Variants in TES observed in about 807,000 individuals in gnomAD.
The protein encoded by TES is testin.
Under a neutral mutation model 48.2 loss-of-function variants are expected in TES, and 41 were observed. The ratio of observed to expected loss-of-function variants is 0.85; its 90% CI spans 0.66 to 1.10. The LOEUF (loss-of-function observed/expected upper bound fraction) is 1.10. Among genes scored for constraint, TES ranks in the 50% least tolerant of loss-of-function variants. The pLI, the probability that TES is intolerant of heterozygous loss-of-function variation, is 0.00. For synonymous variants in TES, 162 were observed against 174.9 expected (o/e 0.93, Z 0.58); for missense variants, 463 against 515.1 (o/e 0.90, Z 0.98).
chr7:116,251,908 A>G lies in TES; in HGVS notation c.851A>G (p.Asn284Ser), dbSNP rs768422763. 2 of 1,614,150 alleles carry G rather than the reference A, an allele frequency of 1.2e-6. No homozygotes were observed. The highest frequency in any genetic ancestry group is 2.2e-5 in the East Asian group (1 of 44,876). Reference sequence around the variant, plus strand: ...GTTGACATGATTTATTTTTGGAAGAATGAGAAGCTATACTGTGGCAGACAT... The same window carrying G: ...GTTGACATGATTTATTTTTGGAAGAGTGAGAAGCTATACTGTGGCAGACAT... ...LLVDMIYFWK[N>S]EKLYCGRHYC... Residue 284 changes from asparagine (N) to serine (S), a missense_variant, in exon 5 of 7, where the codon AAT becomes AGT. By Grantham distance (46) the Asn-to-Ser change is conservative. Coordinates refer to ENST00000358204, the MANE Select transcript of TES (RefSeq NM_015641.4).
At position 116,257,485 on chromosome 7, in the gene TES, G is replaced by C; in HGVS notation, c.*3G>C. ...AATGTAAGAAGAGGATGTCTTAGGA[G>C]GAGGGCACCCAGAAGTATCGAGCCA... On this transcript the variant is annotated 3_prime_UTR_variant, in exon 7 of 7. Coordinates refer to ENST00000358204, the MANE Select transcript of TES (RefSeq NM_015641.4). 2 of 1,599,994 alleles carry C rather than the reference G, an allele frequency of 1.3e-6. No individual in the cohort carries two copies. Among genetic ancestry groups the C allele is most frequent in the East Asian group, 2.3e-5 (1 of 44,370 alleles).
chr7:116,218,673 A>G (rs1047232954), intron 1 of TES, among the ~76,000 whole-genome samples: 2 of 149,194 alleles, frequency 1.3e-5, no homozygotes, highest in East Asian at 4.0e-4. Flanking sequence ...CTCTTGAGCA[A>G]AATACCGATG....
rs1800128799 is a variant in TES, at chr7:116,257,976, A to C, written c.*494A>C. On this transcript the variant is annotated 3_prime_UTR_variant, in exon 7 of 7. Coordinates refer to ENST00000358204, the MANE Select transcript of TES (RefSeq NM_015641.4). ...CAGTGAATTCTTTTTGACAAAGAGA[A>C]ATGCAGTGTAGTATGCAGAGCTGCT... 3.9e-5 allele frequency: 6 copies of C among 153,326 alleles called. No individual in the cohort carries two copies. The highest frequency in any genetic ancestry group is 3.9e-4 in the Admixed American group (6 of 15,496). 9.5% of individuals were successfully genotyped at this position (153,326 alleles called of 1,614,324 possible).
chr7:116,241,786 T>C (rs967265286), intron 2 of TES, among the ~76,000 whole-genome samples: 4 of 152,216 alleles, frequency 2.6e-5, no homozygotes, highest in African/African-American at 9.7e-5. Context: ...TTAAAGGCAT[T>C]GATAGAAAAG....
At chr7:116,252,527 G>C in intron 6 of TES, 51 bp downstream of exon 6, 1 of 1,613,618 alleles carries the variant, frequency 6.2e-7, no homozygotes, top group Non-Finnish European at 8.5e-7. Context: ...TAGGACTTGA[G>C]TTTATGCTTT....
intron 4 of TES, among the ~76,000 whole-genome samples, chr7:116,250,847 A>T (rs915879407): frequency 6.6e-6 from 1 of 152,226 alleles, no homozygotes; most frequent in African/African-American, 2.4e-5. Context: ...CTGCCCATAA[A>T]TAGGAATATA....
At chr7:116,247,435 A>G (rs1191944485) in intron 2 of TES, among the ~76,000 whole-genome samples, 3 of 152,026 alleles carry the variant, frequency 2.0e-5, no homozygotes, top group Non-Finnish European at 2.9e-5. Flanking sequence ...TTTATTCACT[A>G]TTGGGTGACA....
At chr7:116,240,257 T>A (rs1799827524) in intron 2 of TES, among the ~76,000 whole-genome samples, 2 of 152,216 alleles carry the variant, frequency 1.3e-5, no homozygotes, top group Non-Finnish European at 2.9e-5. Context: ...TGGCAGCATG[T>A]CAAAGCACTC....
At chr7:116,214,454 T>C (rs750916659) in intron 1 of TES, among the ~76,000 whole-genome samples, 3 of 152,172 alleles carry the variant, frequency 2.0e-5, no homozygotes, top group Non-Finnish European at 4.4e-5. Context: ...GCAAGAACCA[T>C]TGGCAAGACT....
chr7:116,245,288 TTTC>T (rs557079698), intron 2 of TES, among the ~76,000 whole-genome samples: 1 of 152,110 alleles, frequency 6.6e-6, no homozygotes, highest in Non-Finnish European at 1.5e-5. Context: ...TGCTTAAAAA[TTTC>T]TTCCACCAGA....
At chr7:116,217,076 T>C (rs1799502811) in intron 1 of TES, among the ~76,000 whole-genome samples, 1 of 152,132 alleles carries the variant, frequency 6.6e-6, no homozygotes, top group African/African-American at 2.4e-5. Context: ...ATTGCAAGTG[T>C]TGATAGAGCA....
intron 5 of TES, 82 bp downstream of exon 5, chr7:116,252,057 GACCAAACA>G: frequency 7.2e-7 from 1 of 1,393,284 alleles, no homozygotes; most frequent in South Asian, 1.2e-5. Context: ...AACAAGACTT[GACCAAACA>G]GCAGTTGCTC....
intron 2 of TES, among the ~76,000 whole-genome samples, chr7:116,244,874 G>C (rs565772925): frequency 6.6e-6 from 1 of 152,318 alleles, no homozygotes; most frequent in East Asian, 1.9e-4. Flanking sequence ...GACCAACACC[G>C]TATGGAAGCT....
In TES at chr7:116,210,739, G is replaced by A. The variant is rs374402125; in HGVS notation, c.27+5G>A. On this transcript the variant is annotated splice_donor_5th_base_variant and intron_variant, in intron 1 of 6. Coordinates refer to ENST00000358204, the MANE Select transcript of TES (RefSeq NM_015641.4). ...CTGGAAAACAAAGTGAAGAAGGTAGGGGGGCGCTCGTGGCGGGCGGCGGCT... is the reference window on the plus strand; with the variant it reads ...CTGGAAAACAAAGTGAAGAAGGTAGAGGGGCGCTCGTGGCGGGCGGCGGCT... 8.8e-6 allele frequency: 11 copies of A among 1,244,374 alleles called. No homozygotes were observed. Among genetic ancestry groups the A allele is most frequent in the African/African-American group, 1.6e-5 (1 of 64,008 alleles). The allele number at this position is 1,244,374 out of a possible 1,614,324, so 77.1% of individuals were successfully genotyped here. A position where few individuals can be genotyped will look rare whatever the true frequency, so the allele number is the denominator to read the frequency against.
chr7:116,238,613 ATTT>A (rs1007188032), intron 2 of TES, among the ~76,000 whole-genome samples: 6 of 147,716 alleles, frequency 4.1e-5, no homozygotes, highest in East Asian at 3.9e-4. Flanking sequence ...TATTATTATT[ATTT>A]TTGAGATGGG....
chr7:116,256,082 T>G (rs1359950741), intron 6 of TES, among the ~76,000 whole-genome samples: 1 of 142,026 alleles, frequency 7.0e-6, no homozygotes, highest in Admixed American at 7.1e-5. Context: ...ATCAAAGAAT[T>G]TTCATTGTAT....
intron 1 of TES, among the ~76,000 whole-genome samples, chr7:116,228,293 TA>T (rs1253227472): frequency 1.3e-5 from 2 of 152,206 alleles, no homozygotes; most frequent in African/African-American, 4.8e-5. Context: ...TAGTCACTTT[TA>T]TTTTTTTCTT....
At chr7:116,229,033 T>TATATATATATATATATATGTATAA (rs1417517023) in intron 1 of TES, among the ~76,000 whole-genome samples, 1 of 115,496 alleles carries the variant, frequency 8.7e-6, no homozygotes, top group African/African-American at 3.4e-5. Flanking sequence ...TATATATATA[T>TATATATATATATATATATGTATAA]AATCATTTCC....
chr7:116,251,837 G>T lies in TES; in HGVS notation c.780G>T (p.Leu260=). 2.5e-6 allele frequency: 4 copies of T among 1,614,188 alleles called. No individual in the cohort carries two copies. The highest frequency in any genetic ancestry group is 1.1e-5 in the South Asian group (1 of 91,080). The change falls in exon 5 of 7, where the codon CTG becomes CTT. Residue 260 remains leucine, a synonymous_variant. Transcript: ENST00000358204. ...CCGAAAGGGCTGGCTATGATAAACT[G>T]TGGCACCCAGCTTGTTTTGTCTGCA... is the stretch of plus-strand genomic sequence containing the variant. ...IYAERAGYDK[L]WHPACFVCST...
Sources: gnomAD v4.1 joint callset for allele counts (sites outside exome capture counted in the v4.1 genomes callset) on GRCh38, gnomAD v4.1.1 for gene constraint, MANE v1.5 for transcripts, NCBI Gene and HGNC (gene_info 2026-07-23, HGNC 2026-07-21) for gene names.